The following RHBDD1 variants were observed in gnomAD, a reference collection of about 807,000 sequenced individuals.
RHBDD1 encodes rhomboid-related protein 4.
Under a neutral mutation model 36.3 loss-of-function variants are expected in RHBDD1, and 38 were observed. The ratio of observed to expected loss-of-function variants is 1.05; its 90% confidence interval spans 0.81 to 1.37. RHBDD1 has a LOEUF of 1.37. RHBDD1 is among the 40% of genes most tolerant of loss of function. RHBDD1 has a pLI of 0.00. For missense variants in RHBDD1, 393 were observed against 377.6 expected (o/e 1.04, Z -0.34); for synonymous variants, 151 against 136.5 (o/e 1.11, Z -0.74).
the RHBDD1 span, among the ~76,000 whole-genome samples, chr2:226,806,088 T>C: frequency 4.6e-5 from 7 of 151,978 alleles, no homozygotes; most frequent in Non-Finnish European, 8.8e-5. Context: ...CTCTCTCTCT[T>C]TCTTCTTCTT....
intron 8 of RHBDD1, among the ~76,000 whole-genome samples, chr2:226,932,483 A>T (rs1217829572): frequency 1.3e-5 from 2 of 152,064 alleles, no homozygotes; most frequent in Admixed American, 1.3e-4. Context: ...CACATCAAAG[A>T]CTTCAAATTC....
chr2:226,918,532 A>G (rs1054097004), intron 8 of RHBDD1, among the ~76,000 whole-genome samples: 2 of 151,936 alleles, frequency 1.3e-5, no homozygotes, highest in Admixed American at 1.3e-4. Flanking sequence ...GTTTTAATTT[A>G]TAGCTCCCAC....
chr2:226,807,499 T>G, the RHBDD1 span: 17 of 152,320 alleles, frequency 1.1e-4, 1 homozygote, highest in South Asian at 3.5e-3. Context: ...ATTAAAATTT[T>G]AAGGGCTAAT....
intron 7 of RHBDD1, among the ~76,000 whole-genome samples, chr2:226,912,612 A>T (rs537669563): frequency 1.3e-5 from 2 of 152,218 alleles, no homozygotes. Flanking sequence ...AAAATGCCAC[A>T]TATTACATGA....
intron 5 of RHBDD1, among the ~76,000 whole-genome samples, chr2:226,899,646 A>G (rs78111363): frequency 1.3e-5 from 2 of 152,344 alleles, no homozygotes; most frequent in East Asian, 3.9e-4. Context: ...GAAGAAAAAG[A>G]CAGATTGCCT....
intron 8 of RHBDD1, among the ~76,000 whole-genome samples, chr2:226,990,614 T>C (rs1957973322): frequency 6.6e-6 from 1 of 152,170 alleles, no homozygotes; most frequent in Non-Finnish European, 1.5e-5. Flanking sequence ...GCAATTCTTA[T>C]CTGGACAAAA....
chr2:226,934,057 G>A (rs1575153324), intron 8 of RHBDD1, among the ~76,000 whole-genome samples: 1 of 152,094 alleles, frequency 6.6e-6, no homozygotes, highest in African/African-American at 2.4e-5. Flanking sequence ...AAGAATGCCA[G>A]TACCCCAGAG....
the RHBDD1 span, among the ~76,000 whole-genome samples, chr2:226,809,895 A>G: frequency 6.6e-6 from 1 of 152,236 alleles, no homozygotes; most frequent in African/African-American, 2.4e-5. Context: ...AAGTTGGAAA[A>G]TGTGAAATAA....
At position 226,947,145 on chromosome 2, in the gene RHBDD1, G is replaced by A. The variant is rs561524551; in HGVS notation, c.856+32794G>A. 1.4e-4 allele frequency among the ~76,000 whole-genome samples: 21 copies of A among 151,788 alleles called. No homozygotes were observed. In the East Asian group the frequency reaches 3.9e-3, roughly 28 times the overall value. ...GTCAATTTTGTCTTTTGTTGCCATTGCTTTTGGTGTTTTGGACATGAAGTC... is the reference window on the plus strand; with the variant it reads ...GTCAATTTTGTCTTTTGTTGCCATTACTTTTGGTGTTTTGGACATGAAGTC... On this transcript the variant is annotated intron_variant, in intron 8 of 8. Coordinates refer to ENST00000392062, the MANE Select transcript of RHBDD1 (RefSeq NM_001167608.3).
intron 8 of RHBDD1, among the ~76,000 whole-genome samples, chr2:226,965,127 C>A (rs1952523710): frequency 6.6e-6 from 1 of 151,966 alleles, no homozygotes; most frequent in Admixed American, 6.6e-5. Flanking sequence ...ATGAGATCAT[C>A]CTGGGTTAGG....
intron 5 of RHBDD1, among the ~76,000 whole-genome samples, chr2:226,899,176 A>C (rs570585907): frequency 6.6e-6 from 1 of 152,236 alleles, no homozygotes; most frequent in Non-Finnish European, 1.5e-5. Context: ...GCGTTACAAT[A>C]GCCTCTTAAA....
intron 5 of RHBDD1, among the ~76,000 whole-genome samples, chr2:226,879,422 C>T (rs902034020): frequency 6.6e-6 from 1 of 152,140 alleles, no homozygotes; most frequent in African/African-American, 2.4e-5. Flanking sequence ...TGTTTGTTCA[C>T]GAGGCTTACT....
At chr2:226,911,658 G>A (rs916939272) in intron 7 of RHBDD1, among the ~76,000 whole-genome samples, 9 of 150,832 alleles carry the variant, frequency 6.0e-5, no homozygotes, top group African/African-American at 1.7e-4. Flanking sequence ...CCCCAGTGCA[G>A]CAATGGGGGC....
At chr2:226,939,079 C>A (rs975050612) in intron 8 of RHBDD1, among the ~76,000 whole-genome samples, 1 of 152,100 alleles carries the variant, frequency 6.6e-6, no homozygotes, top group Non-Finnish European at 1.5e-5. Flanking sequence ...AATTCAACAT[C>A]GCTTCATGTT....
intron 8 of RHBDD1, among the ~76,000 whole-genome samples, chr2:226,923,956 G>T (rs1204192676): frequency 1.3e-5 from 2 of 152,074 alleles, no homozygotes; most frequent in African/African-American, 4.8e-5. Flanking sequence ...AAGAGCCAAG[G>T]CCTGGAATCA....
chr2:226,834,912 A>AT (rs1242394635), upstream of RHBDD1, among the ~76,000 whole-genome samples: 1 of 152,136 alleles, frequency 6.6e-6, no homozygotes. Flanking sequence ...AGTAGCCGGG[A>AT]TTACAGGCGC....
intron 5 of RHBDD1, among the ~76,000 whole-genome samples, chr2:226,870,167 GC>G (rs1381731045): frequency 1.3e-5 from 2 of 152,150 alleles, no homozygotes; most frequent in African/African-American, 4.8e-5. Flanking sequence ...GGGACCTCGG[GC>G]AAGGTACACA....
chr2:226,801,397 G>A, the RHBDD1 span, among the ~76,000 whole-genome samples: 1 of 152,176 alleles, frequency 6.6e-6, no homozygotes, highest in Admixed American at 6.5e-5. Context: ...AGAAGATGAT[G>A]ATGATGAAGG....
intron 5 of RHBDD1, among the ~76,000 whole-genome samples, chr2:226,890,771 A>T (rs760666632): frequency 6.6e-6 from 1 of 152,204 alleles, no homozygotes; most frequent in African/African-American, 2.4e-5. Flanking sequence ...CAAATATTTC[A>T]TATATTCCAT....
Sources: gnomAD v4.1 joint callset for allele counts (sites outside exome capture counted in the v4.1 genomes callset) on GRCh38, gnomAD v4.1.1 for gene constraint, MANE v1.5 for transcripts, NCBI Gene and HGNC (gene_info 2026-07-23, HGNC 2026-07-21) for gene names.